The following CDH13 variants were observed in gnomAD, a reference collection of about 807,000 sequenced individuals.
CDH13 encodes the protein cadherin 13.
Under a neutral mutation model 63.8 loss-of-function variants are expected in CDH13, and 24 were observed. That is an observed-to-expected ratio of 0.38 (90% CI 0.27 to 0.53). CDH13 has a LOEUF of 0.53. Among genes scored for constraint, CDH13 ranks in the 20% least tolerant of loss-of-function variants. The pLI, the probability that CDH13 is intolerant of heterozygous loss-of-function variation, is 0.85. For synonymous variants in CDH13, 503 were observed against 355.3 expected (o/e 1.42, Z -4.67); for missense variants, 1,049 against 903.1 (o/e 1.16, Z -2.07).
chr16:83,136,938 G>A (rs1349444946), intron 4 of CDH13, among the ~76,000 whole-genome samples: 3 of 152,190 alleles, frequency 2.0e-5, no homozygotes, highest in East Asian at 3.9e-4. Context: ...CTCCCACAGC[G>A]GCCAGTTTCA....
intron 2 of CDH13, among the ~76,000 whole-genome samples, chr16:83,000,574 C>T (rs866599421): frequency 0.026 from 3,345 of 127,670 alleles, 55 homozygotes; most frequent in Non-Finnish European, 0.035. Context: ...TTTCTTTTCT[C>T]TTTTTTTTTT....
intron 2 of CDH13, among the ~76,000 whole-genome samples, chr16:82,907,192 C>T (rs1441600303): frequency 6.6e-6 from 1 of 152,160 alleles, no homozygotes; most frequent in Non-Finnish European, 1.5e-5. Context: ...GGAACCCTTT[C>T]TTTAAATGGA....
chr16:83,299,316 C>T (rs529940998), intron 5 of CDH13, among the ~76,000 whole-genome samples: 3 of 152,052 alleles, frequency 2.0e-5, no homozygotes, highest in African/African-American at 7.2e-5. Flanking sequence ...AAGATGAATT[C>T]CCCAGAACAT....
intron 6 of CDH13, among the ~76,000 whole-genome samples, chr16:83,355,695 T>C (rs1197415730): frequency 6.6e-6 from 1 of 152,196 alleles, no homozygotes; most frequent in Non-Finnish European, 1.5e-5. Flanking sequence ...GGTGAATGCA[T>C]GAAACAGAAT....
intron 7 of CDH13, among the ~76,000 whole-genome samples, chr16:83,492,078 A>G (rs909043326): frequency 1.3e-5 from 2 of 152,174 alleles, no homozygotes; most frequent in Non-Finnish European, 2.9e-5. Context: ...TGCAAGCCCA[A>G]AGAGAACTAT....
At chr16:83,231,251 T>G (rs549097215) in intron 5 of CDH13, among the ~76,000 whole-genome samples, 1 of 152,196 alleles carries the variant, frequency 6.6e-6, no homozygotes, top group African/African-American at 2.4e-5. Context: ...GATCATGGCA[T>G]GCCGGTACCC....
At chr16:82,859,415 G>A (rs1232764928) in intron 2 of CDH13, 1 of 152,188 alleles carries the variant, frequency 6.6e-6, no homozygotes, top group Admixed American at 6.5e-5. Context: ...AAACTTAGCT[G>A]GGCATGGTGG....
chr16:82,786,496 TTG>T (rs61029619), intron 1 of CDH13, among the ~76,000 whole-genome samples: 3 of 148,414 alleles, frequency 2.0e-5, no homozygotes, highest in Non-Finnish European at 3.0e-5. Flanking sequence ...TCTTCTTCTT[TTG>T]TGTGTGTGTG....
intron 2 of CDH13, among the ~76,000 whole-genome samples, chr16:82,963,966 T>C (rs1907426340): frequency 1.3e-5 from 2 of 152,026 alleles, no homozygotes; most frequent in Non-Finnish European, 2.9e-5. Flanking sequence ...TTTGTGGGAG[T>C]CCCACACACC....
intron 1 of CDH13, chr16:82,823,993 A>T (rs1253641893): frequency 6.6e-6 from 1 of 152,164 alleles, no homozygotes; most frequent in African/African-American, 2.4e-5. Flanking sequence ...AGCAAAAGAA[A>T]CCAAGCTGTC....
At chr16:83,392,860 G>A (rs1266197467) in intron 6 of CDH13, among the ~76,000 whole-genome samples, 1 of 152,050 alleles carries the variant, frequency 6.6e-6, no homozygotes, top group Non-Finnish European at 1.5e-5. Flanking sequence ...CTAGAAGGAG[G>A]TGGGCCTGAG....
At chr16:83,074,227 T>A (rs1202253271) in intron 3 of CDH13, among the ~76,000 whole-genome samples, 1 of 152,172 alleles carries the variant, frequency 6.6e-6, no homozygotes, top group African/African-American at 2.4e-5. Context: ...CATCTGTGAG[T>A]GAGCATGTGC....
In CDH13 at chr16:83,798,366, A is replaced by G. The variant is rs1191690908; in HGVS notation, c.*3336A>G. 1 of 152,240 alleles carries G rather than the reference A, an allele frequency of 6.6e-6. No individual in the cohort carries two copies. Among genetic ancestry groups the G allele is most frequent in the Non-Finnish European group, 1.5e-5 (1 of 68,042 alleles). 9.4% of individuals were successfully genotyped at this position (152,240 alleles called of 1,614,324 possible). A position where few individuals can be genotyped will look rare whatever the true frequency, so the allele number is the denominator to read the frequency against. ...CTACAATTTTCCTAGGGGGTGTATG[A>G]ACATGGTACCAAAAAGGTGATTAAT... is the stretch of plus-strand genomic sequence containing the variant. On this transcript the variant is annotated 3_prime_UTR_variant, in exon 14 of 14. Coordinates refer to ENST00000567109, the MANE Select transcript of CDH13 (RefSeq NM_001257.5).
At chr16:82,968,380 T>C (rs895166374) in intron 2 of CDH13, among the ~76,000 whole-genome samples, 1 of 152,228 alleles carries the variant, frequency 6.6e-6, no homozygotes, top group Admixed American at 6.5e-5. Flanking sequence ...GTCCAGTTAC[T>C]GTCTGTTTTT....
intron 2 of CDH13, among the ~76,000 whole-genome samples, chr16:82,882,712 CT>C (rs2040750273): frequency 6.6e-6 from 1 of 151,756 alleles, no homozygotes; most frequent in African/African-American, 2.4e-5. Flanking sequence ...AAAAACAAAC[CT>C]AACAGTATGT....
intron 5 of CDH13, among the ~76,000 whole-genome samples, chr16:83,306,352 G>A (rs377157551): frequency 1.3e-5 from 2 of 152,308 alleles, no homozygotes; most frequent in African/African-American, 4.8e-5. Flanking sequence ...TTGGCTTATA[G>A]GGGCAGATGT....
At chr16:83,694,858 A>G (rs1905226439) in intron 10 of CDH13, among the ~76,000 whole-genome samples, 1 of 152,194 alleles carries the variant, frequency 6.6e-6, no homozygotes, top group South Asian at 2.1e-4. Context: ...GGGGATACCG[A>G]AAAACTCAAT....
At chr16:83,682,851 G>T (rs899563386) in intron 10 of CDH13, among the ~76,000 whole-genome samples, 1 of 152,188 alleles carries the variant, frequency 6.6e-6, no homozygotes, top group Non-Finnish European at 1.5e-5. Flanking sequence ...CTGCAGCAGG[G>T]CCTGCCCATC....
intron 6 of CDH13, among the ~76,000 whole-genome samples, chr16:83,481,563 T>TA (rs2073764584): frequency 6.6e-6 from 1 of 152,162 alleles, no homozygotes. Flanking sequence ...AGGAAGGGGC[T>TA]ACCTGGCCAC....
Sources: allele counts gnomAD v4.1 joint callset (sites outside exome capture counted in the v4.1 genomes callset), GRCh38; gene constraint gnomAD v4.1.1; transcripts MANE v1.5; gene names NCBI Gene and HGNC (gene_info 2026-07-23, HGNC 2026-07-21).